The following GMDS variants were observed in gnomAD, a reference collection of about 807,000 sequenced individuals.
GMDS encodes the protein GDP-mannose 4,6-dehydratase.
A neutral mutation model predicts 49.9 loss-of-function variants in GMDS; 20 were observed. The ratio of observed to expected loss-of-function variants is 0.40; its 90% CI spans 0.28 to 0.58. The LOEUF (loss-of-function observed/expected upper bound fraction) is 0.58, where lower values mean the gene tolerates loss of function less well. Ranked by LOEUF, GMDS falls within the 20% of genes least tolerant of loss-of-function variation. The pLI, the probability that GMDS is intolerant of heterozygous loss-of-function variation, is 0.42. For missense variants in GMDS, 362 were observed against 481.4 expected, an observed-to-expected ratio of 0.75 and a Z score of 2.32; for synonymous variants, 177 against 178.6, an observed-to-expected ratio of 0.99 and a Z score of 0.07.
intron 6 of GMDS, among the ~76,000 whole-genome samples, chr6:1,947,395 G>A (rs1763121802): frequency 6.6e-6 from 1 of 152,180 alleles, no homozygotes; most frequent in Admixed American, 6.5e-5. Flanking sequence ...AGGCACTGGG[G>A]CCAGGGTTGA....
chr6:1,900,092 C>T (rs958127829), intron 7 of GMDS, among the ~76,000 whole-genome samples: 3 of 152,240 alleles, frequency 2.0e-5, no homozygotes, highest in African/African-American at 7.2e-5. Flanking sequence ...CTATTTTCTA[C>T]ATGAACTGTC....
intron 7 of GMDS, among the ~76,000 whole-genome samples, chr6:1,859,951 A>G (rs1215312073): frequency 6.6e-6 from 1 of 152,232 alleles, no homozygotes; most frequent in Non-Finnish European, 1.5e-5. Flanking sequence ...TCTTACTTTA[A>G]TATGATTGGA....
intron 4 of GMDS, among the ~76,000 whole-genome samples, chr6:2,028,775 A>G (rs2127414135): frequency 6.6e-6 from 1 of 152,312 alleles, no homozygotes; most frequent in South Asian, 2.1e-4. Flanking sequence ...CAAAACGACA[A>G]GTAATGTGTC....
intron 7 of GMDS, among the ~76,000 whole-genome samples, chr6:1,858,301 T>C (rs1758029268): frequency 6.6e-6 from 1 of 152,288 alleles, no homozygotes; most frequent in Middle Eastern, 3.4e-3. Flanking sequence ...GGGTTAACAA[T>C]CGCTATTTTT....
chr6:1,979,761 G>A (rs527871019), intron 4 of GMDS, among the ~76,000 whole-genome samples: 6 of 152,144 alleles, frequency 3.9e-5, no homozygotes, highest in African/African-American at 9.6e-5. Context: ...CTCCAAGGTC[G>A]AAATAAAAGA....
At chr6:1,822,751 A>T (rs563693625) in intron 7 of GMDS, among the ~76,000 whole-genome samples, 1 of 152,328 alleles carries the variant, frequency 6.6e-6, no homozygotes, top group Admixed American at 6.5e-5. Context: ...TGAGATGCTA[A>T]GTCAGGTTAC....
chr6:2,106,946 C>A (rs1386190859), intron 4 of GMDS, among the ~76,000 whole-genome samples: 1 of 151,864 alleles, frequency 6.6e-6, no homozygotes, highest in Non-Finnish European at 1.5e-5. Context: ...TAAATAGCAT[C>A]TAGAAATTAA....
chr6:1,692,573 T>C (rs1239354975), intron 9 of GMDS, among the ~76,000 whole-genome samples: 2 of 152,238 alleles, frequency 1.3e-5, no homozygotes, highest in East Asian at 3.8e-4. Flanking sequence ...CCAGAACTGA[T>C]TCTCTGTTAA....
rs1203464174 is a variant in GMDS, at chr6:1,778,379, G to C, written c.772-35793C>G. 1.3e-5 allele frequency among the ~76,000 whole-genome samples: 2 copies of C among 152,146 alleles called. No individual in the cohort carries two copies. Among genetic ancestry groups the C allele is most frequent in the African/African-American group, 2.4e-5 (1 of 41,434 alleles). ...AAGTCAATTATTATAACACCTGAAA[G>C]ATAAATGAGCTGATGTTAAAGGTTC... On this transcript the variant is annotated intron_variant, in intron 7 of 10. Transcript: ENST00000380815. The surrounding 1 kb of genome is among the most constrained non-coding windows in gnomAD (Gnocchi z 4.6).
At chr6:2,044,442 T>C (rs548761908) in intron 4 of GMDS, among the ~76,000 whole-genome samples, 2 of 152,300 alleles carry the variant, frequency 1.3e-5, no homozygotes, top group East Asian at 3.9e-4. Context: ...GCCATTATCC[T>C]TAGCAAACTA....
chr6:2,064,640 G>A (rs770003337), intron 4 of GMDS, among the ~76,000 whole-genome samples: 5 of 152,166 alleles, frequency 3.3e-5, no homozygotes, highest in Non-Finnish European at 4.4e-5. Flanking sequence ...AAGTCACCCA[G>A]GCTCTTGCAG....
At chr6:1,667,840 C>T (rs1764283975) in intron 9 of GMDS, among the ~76,000 whole-genome samples, 1 of 151,424 alleles carries the variant, frequency 6.6e-6, no homozygotes, top group Non-Finnish European at 1.5e-5. Context: ...CCCCACTTAT[C>T]AGTAAATTGG....
In GMDS at chr6:1,834,178, C is replaced by T. The variant is rs890228606; in HGVS notation, c.772-91592G>A. On this transcript the variant is annotated intron_variant, in intron 7 of 10. Transcript: ENST00000380815. ...AGATGATATTAATTTCATCAATTAT[C>T]AAGAAAATAAAAGCTATTCTATAAG... Among the ~76,000 whole-genome samples, 67 of 152,080 alleles carry T rather than the reference C, an allele frequency of 4.4e-4. 1 individual carries two copies. Among genetic ancestry groups the T allele is most frequent in the African/African-American group, 1.5e-3 (61 of 41,442 alleles).
At chr6:1,900,481 C>G (rs914141144) in intron 7 of GMDS, among the ~76,000 whole-genome samples, 23 of 152,086 alleles carry the variant, frequency 1.5e-4, no homozygotes, top group African/African-American at 5.6e-4. Flanking sequence ...GATAAAGAGC[C>G]CCTGCTGTTA....
chr6:1,829,183 TG>T (rs1299406582), intron 7 of GMDS, among the ~76,000 whole-genome samples: 1 of 152,186 alleles, frequency 6.6e-6, no homozygotes, highest in Admixed American at 6.5e-5. Flanking sequence ...GTGGCAGAAG[TG>T]GAAGAAAATC....
chr6:1,658,930 A>C (rs918134493), intron 9 of GMDS, among the ~76,000 whole-genome samples: 3 of 152,236 alleles, frequency 2.0e-5, no homozygotes, highest in Admixed American at 1.3e-4. Context: ...GAGGGGCTGG[A>C]ACTACTTGGG....
At chr6:2,232,527 G>GT (rs943012390) in intron 1 of GMDS, among the ~76,000 whole-genome samples, 1 of 152,102 alleles carries the variant, frequency 6.6e-6, no homozygotes, top group African/African-American at 2.4e-5. Context: ...TTCAAAACTG[G>GT]TTTGTCATCT....
At chr6:2,111,835 TA>T (rs1774561800) in intron 4 of GMDS, among the ~76,000 whole-genome samples, 2 of 152,240 alleles carry the variant, frequency 1.3e-5, no homozygotes, top group Admixed American at 1.3e-4. Context: ...AGCTGATTAA[TA>T]TAGAGAAATT....
rs1001852228 is a variant in GMDS at position 2,143,862 on chromosome 6, G to A, written c.103-19131C>T. ...ACCAAATAAAAACAAACATCTTCAC[G>A]TGAACATTCCATATCTTGGCTCCAA... is the stretch of plus-strand genomic sequence containing the variant. On this transcript the variant is annotated intron_variant, in intron 1 of 10. Coordinates refer to ENST00000380815, the MANE Select transcript of GMDS (RefSeq NM_001500.4). Among the ~76,000 whole-genome samples the A allele has an allele frequency of 8.5e-5, 13 of 152,120 alleles. 1 individual carries two copies. Among genetic ancestry groups the A allele is most frequent in the East Asian group, 5.8e-4 (3 of 5,190 alleles).
Sources: gnomAD v4.1 joint callset for allele counts (sites outside exome capture counted in the v4.1 genomes callset) on GRCh38, gnomAD v4.1.1 for gene constraint, Gnocchi (gnomAD v3.1) non-coding constraint, MANE v1.5 for transcripts, NCBI Gene and HGNC (gene_info 2026-07-23, HGNC 2026-07-21) for gene names.